Variants in EGR4 observed in about 807,000 individuals in gnomAD.
EGR4 encodes the protein early growth response protein 4.
In EGR4, 22 loss-of-function variants were observed where a neutral mutation model predicts 25.4. That is an observed-to-expected ratio of 0.87 (90% CI 0.62 to 1.24). The LOEUF is 1.24. EGR4 is among the 50% of genes most tolerant of loss of function. EGR4 has a pLI of 0.00. For synonymous variants in EGR4, 375 were observed against 320.1 expected, an observed-to-expected ratio of 1.17 and a Z score of -1.83; for missense variants, 742 against 702.9, an observed-to-expected ratio of 1.06 and a Z score of -0.63.
At chr2:73,293,139 G>A (rs772318013) in intron 1 of EGR4, 43 bp downstream of exon 1, 19 of 1,405,112 alleles carry the variant, frequency 1.4e-5, no homozygotes, top group Non-Finnish European at 1.8e-5. Flanking sequence ...GCGCCCCCGC[G>A]CTGCGCCGTC....
At chr2:73,292,935 C>G (rs1201898178) in intron 1 of EGR4, among the ~76,000 whole-genome samples, 154 bp from the exon 2 acceptor site, 2 of 152,258 alleles carry the variant, frequency 1.3e-5, no homozygotes, top group Non-Finnish European at 2.9e-5. Flanking sequence ...CCAAGGAGCA[C>G]ATAGAAACAT....
Position 73,291,812 on chromosome 2 carries a change from C to T in EGR4, c.1106G>A (p.Arg369His). Residue 369 changes from arginine (R) to histidine (H), a missense_variant, in exon 2 of 2, where the codon CGC (arginine) becomes CAC (histidine). By Grantham distance (29) the Arg-to-His change is conservative. Transcript: ENST00000436467. ...GGCGTGCGGCCGCGGGCAGAAGCAGCGCGTGCTGCATTTGCCGCCGCGGCG... is the reference window on the plus strand; with the variant it reads ...GGCGTGCGGCCGCGGGCAGAAGCAGTGCGTGCTGCATTTGCCGCCGCGGCG... ...KGRRGGKCSTRCFCPRPHAKA... is the reference protein window; with the variant it reads ...KGRRGGKCSTHCFCPRPHAKA... The T allele has an allele frequency of 6.3e-7, 1 of 1,592,646 alleles. No individual in the cohort carries two copies. Among genetic ancestry groups the T allele is most frequent in the Non-Finnish European group, 8.5e-7 (1 of 1,174,522 alleles).
intron 1 of EGR4, 73 bp from the exon 2 acceptor site, chr2:73,292,854 A>ACAC: frequency 7.5e-7 from 1 of 1,327,286 alleles, no homozygotes; most frequent in Non-Finnish European, 9.7e-7. Context: ...TACCTACAAA[A>ACAC]CTCTTGGTGC....
rs2103943269 is a variant in EGR4, at chr2:73,293,366, G to T, written c.-49C>A. 1 of 1,507,758 alleles carries T rather than the reference G, an allele frequency of 6.6e-7. No individual in the cohort carries two copies. The highest frequency in any genetic ancestry group is 2.6e-5 in the East Asian group (1 of 38,380). The allele number at this position is 1,507,758 out of a possible 1,614,324, so 93.4% of individuals were successfully genotyped here. A position where few individuals can be genotyped will look rare whatever the true frequency, so the allele number is the denominator to read the frequency against. On this transcript the variant is annotated 5_prime_UTR_variant, in exon 1 of 2. Coordinates refer to ENST00000436467, the MANE Select transcript of EGR4 (RefSeq NM_001965.4). ...CCCGGGGCCTCGCCCGCTGGGCTTG[G>T]GGGCGCGCGGGTGGCGGGGAGGCTG...
Position 73,291,555 on chromosome 2 carries a change from G to T in EGR4, c.1363C>A (p.Arg455=), listed in dbSNP as rs1385611093. ...TGCTTGAGGTGCACCTTGCTGTGCC[G>T]TTTCTTCTCATCGCTGCGCGCGAAG... ...RRFARSDEKK[R]HSKVHLKQKA... The change falls in exon 2 of 2, where the codon CGG becomes AGG. Residue 455 remains arginine (R), a synonymous_variant. Coordinates refer to ENST00000436467, the MANE Select transcript of EGR4 (RefSeq NM_001965.4). The T allele has an allele frequency of 6.2e-7, 1 of 1,613,506 alleles. No individual in the cohort carries two copies. The highest frequency in any genetic ancestry group is 8.5e-7 in the Non-Finnish European group (1 of 1,179,880).
intron 1 of EGR4, 23 bp downstream of exon 1, chr2:73,293,159 G>A: frequency 6.9e-7 from 1 of 1,451,244 alleles, no homozygotes; most frequent in Non-Finnish European, 9.1e-7. Context: ...CGTCGTCTGA[G>A]CACCCCTGCT....
rs1424529140 is a variant in EGR4 at position 73,292,496 on chromosome 2, G to A, written c.422C>T (p.Pro141Leu). 1 of 1,516,652 alleles carries A rather than the reference G, an allele frequency of 6.6e-7. No homozygotes were observed. Among genetic ancestry groups the A allele is most frequent in the Admixed American group, 2.3e-5 (1 of 43,084 alleles). 93.9% of individuals were successfully genotyped at this position (1,516,652 alleles called of 1,614,324 possible). ...PAGSDALLPG[P>L]PDLYSPDLGA... is the part of the protein sequence containing the mutation. ...CAGATCCGGGGAGTAAAGGTCCGGC[G>A]GACCCGGCAGCAAGGCATCGGACCC... is the stretch of plus-strand genomic sequence containing the variant. Residue 141 changes from proline to leucine, a missense_variant, in exon 2 of 2, where the codon CCG becomes CTG. Transcript: ENST00000436467.
In EGR4 at chr2:73,291,594, C is replaced by G. The variant is rs149141742; in HGVS notation, c.1324G>C (p.Val442Leu). 8 of 1,613,098 alleles carry G rather than the reference C, an allele frequency of 5.0e-6. No homozygotes were observed. Among genetic ancestry groups the G allele is most frequent in the Non-Finnish European group, 5.9e-6 (7 of 1,179,918 alleles). Residue 442 changes from valine (V) to leucine (L), a missense_variant, in exon 2 of 2, where the codon GTG becomes CTG. Coordinates refer to ENST00000436467, the MANE Select transcript of EGR4 (RefSeq NM_001965.4). ...HTGEKPFACD[V>L]CGRRFARSDE... ...CTGCGCGCGAAGCGGCGGCCGCACA[C>G]GTCGCAAGCAAAAGGCTTCTCGCCG...
In EGR4 at chr2:73,291,499, GCCCTTGAGC is replaced by G; in HGVS notation, c.1410_1418del (p.Lys472_Leu474del). Reference sequence around the variant, plus strand: ...AGAGGCCCAGCGAGTAAAAGCCGAGGCCCTTGAGCCGCTCCTCGGCGCGCGCCTTCTGCT... The same window carrying G: ...AGAGGCCCAGCGAGTAAAAGCCGAGGCGCTCCTCGGCGCGCGCCTTCTGCT... On this transcript the variant is annotated inframe_deletion, in exon 2 of 2. Coordinates refer to ENST00000436467, the MANE Select transcript of EGR4 (RefSeq NM_001965.4). The G allele has an allele frequency of 6.2e-7, 1 of 1,610,852 alleles. No individual in the cohort carries two copies. The highest frequency in any genetic ancestry group is 1.7e-5 in the Admixed American group (1 of 59,850).
rs199592421 is a variant in EGR4 at position 73,291,725 on chromosome 2, T to C, written c.1193A>G (p.Asn398Ser). The change falls in exon 2 of 2, where the codon AAT becomes AGT. Residue 398 changes from asparagine to serine, a missense_variant. Physicochemically the swap from Asn to Ser is conservative, Grantham distance 46. Transcript: ENST00000436467. ...GCCCGTGTGGATGCGCAGGTGGCGA[T>C]TGAGCTCGTCGGAGCGCGCAAAGCT... ...VRSFARSDELNRHLRIHTGHK... is the reference protein window; with the variant it reads ...VRSFARSDELSRHLRIHTGHK... 84 of 1,604,450 alleles carry C rather than the reference T, an allele frequency of 5.2e-5. No individual in the cohort carries two copies. The highest frequency in any genetic ancestry group is 3.6e-4 in the African/African-American group (27 of 74,982).
intron 1 of EGR4, 140 bp downstream of exon 1, chr2:73,293,042 G>C (rs1172853439): frequency 1.0e-6 from 1 of 962,682 alleles, no homozygotes; most frequent in African/African-American, 1.7e-5. Flanking sequence ...TGGGAATGGG[G>C]GTGCGCACCC....
rs761369176 is a variant in EGR4, at chr2:73,292,398, C to T, written c.520G>A (p.Glu174Lys). 2.0e-6 allele frequency: 3 copies of T among 1,516,948 alleles called. No individual in the cohort carries two copies. In the South Asian group the frequency reaches 4.0e-5, roughly 20 times the overall value. The allele number at this position is 1,516,948 out of a possible 1,614,324, so 94.0% of individuals were successfully genotyped here. ...CAGAPSQCLY[E>K]PQLSPPDVKP... ...ACGTCGGGCGGGGAGAGCTGAGGCT[C>T]ATACAGGCACTGCGAGGGGGCACCC... Residue 174 changes from glutamate to lysine, a missense_variant, in exon 2 of 2, where the codon GAG becomes AAG. By Grantham distance (56) the Glu-to-Lys change is moderately conservative. Coordinates refer to ENST00000436467, the MANE Select transcript of EGR4 (RefSeq NM_001965.4).
In EGR4 at chr2:73,292,786, G is replaced by C; in HGVS notation, c.137-5C>G. On this transcript the variant is annotated splice_region_variant and splice_polypyrimidine_tract_variant and intron_variant, in intron 1 of 1. Transcript: ENST00000436467. ...CCCAGCTCAAGAAGTCGCCTGCTGA[G>C]GAGGGAGCAGGAATCAGCTCTGGGC... The C allele has an allele frequency of 2.1e-6, 3 of 1,444,300 alleles. No homozygotes were observed. Among genetic ancestry groups the C allele is most frequent in the Non-Finnish European group, 2.7e-6 (3 of 1,096,336 alleles). The allele number at this position is 1,444,300 out of a possible 1,614,324, so 89.5% of individuals were successfully genotyped here. A position where few individuals can be genotyped will look rare whatever the true frequency, so the allele number is the denominator to read the frequency against.
chr2:73,292,791 G>A lies in EGR4; in HGVS notation c.137-10C>T, dbSNP rs377547382. ...CTCAAGAAGTCGCCTGCTGAGGAGG[G>A]AGCAGGAATCAGCTCTGGGCACATC... On this transcript the variant is annotated splice_polypyrimidine_tract_variant and intron_variant, in intron 1 of 1. Transcript: ENST00000436467. 1.6e-4 allele frequency: 226 copies of A among 1,442,346 alleles called. No individual in the cohort carries two copies. The African/African-American group carries it at 3.0e-3, about 19-fold the overall frequency. The allele number at this position is 1,442,346 out of a possible 1,614,324, so 89.3% of individuals were successfully genotyped here. A position where few individuals can be genotyped will look rare whatever the true frequency, so the allele number is the denominator to read the frequency against.
chr2:73,291,865 G>T lies in EGR4; in HGVS notation c.1053C>A (p.Phe351Leu), dbSNP rs1011489459. 1.3e-6 allele frequency: 2 copies of T among 1,580,192 alleles called. No homozygotes were observed. Among genetic ancestry groups the T allele is most frequent in the Admixed American group, 3.6e-5 (2 of 55,928 alleles). ...PPVPPPPPTPFPQAKARRKGR... is the reference protein window; with the variant it reads ...PPVPPPPPTPLPQAKARRKGR... ...CCTTGCGTCGCGCCTTGGCCTGGGG[G>T]AAAGGGGTGGGCGGCGGCGGCGGCA... The change falls in exon 2 of 2, where the codon TTC becomes TTA. Residue 351 changes from phenylalanine to leucine, a missense_variant. By Grantham distance (22) the Phe-to-Leu change is conservative. Transcript: ENST00000436467.
In EGR4 at chr2:73,293,205, G is replaced by T. The variant is rs1312660668; in HGVS notation, c.113C>A (p.Pro38His). 2.8e-5 allele frequency: 43 copies of T among 1,550,502 alleles called. No homozygotes were observed. Among genetic ancestry groups the T allele is most frequent in the Non-Finnish European group, 3.7e-5 (43 of 1,147,970 alleles). ...ACCTCCAGGGTAGCCGGTGGCCGCG[G>T]GAGCGTCCCTGGCAGGCAGCCGGGG... ...ELPRLPARDAPAATGYPGAGD... is the reference protein window; with the variant it reads ...ELPRLPARDAHAATGYPGAGD... Residue 38 changes from proline (P) to histidine (H), a missense_variant, in exon 1 of 2, where the codon CCC (proline) becomes CAC (histidine). Pro to His is a moderately conservative substitution (Grantham distance 77). Transcript: ENST00000436467.
intron 1 of EGR4, 26 bp downstream of exon 1, chr2:73,293,156 T>C (rs1207926366): frequency 7.0e-7 from 1 of 1,437,886 alleles, no homozygotes; most frequent in Non-Finnish European, 9.2e-7. Flanking sequence ...CGTCGTCGTC[T>C]GAGCACCCCT....
At position 73,292,442 on chromosome 2, in the gene EGR4, C is replaced by A; in HGVS notation, c.476G>T (p.Trp159Leu). ...GGCACCCGCGCAAGGCGAGGCCTCC[C>A]AGAACGCCTCTGGGAAAGGGGCAGC... ...LGAAPFPEAF[W>L]EASPCAGAPS... Residue 159 changes from tryptophan (W) to leucine (L), a missense_variant, in exon 2 of 2, where the codon TGG (tryptophan) becomes TTG (leucine). By Grantham distance (61) the Trp-to-Leu change is moderately conservative. Coordinates refer to ENST00000436467, the MANE Select transcript of EGR4 (RefSeq NM_001965.4). The A allele has an allele frequency of 2.0e-6, 3 of 1,498,106 alleles. No individual in the cohort carries two copies. Among genetic ancestry groups the A allele is most frequent in the Non-Finnish European group, 2.7e-6 (3 of 1,125,340 alleles). The allele number at this position is 1,498,106 out of a possible 1,614,324, so 92.8% of individuals were successfully genotyped here.
rs1558599349 is a variant in EGR4 at position 73,291,771 on chromosome 2, G to C, written c.1147C>G (p.Pro383Ala). ...AAGCTCCGCACACAACTCTCCACCG[G>C]GCAAGCGAAGGCCTTGGCGTGCGGC... ...PRPHAKAFAC[P>A]VESCVRSFAR... Residue 383 changes from proline to alanine, a missense_variant, in exon 2 of 2, where the codon CCG (proline) becomes GCG (alanine). Pro to Ala is a conservative substitution (Grantham distance 27, BLOSUM62 -1). Coordinates refer to ENST00000436467, the MANE Select transcript of EGR4 (RefSeq NM_001965.4). The C allele has an allele frequency of 6.2e-7, 1 of 1,600,588 alleles. No individual in the cohort carries two copies. The highest frequency in any genetic ancestry group is 8.5e-7 in the Non-Finnish European group (1 of 1,179,078).
Sources: allele counts gnomAD v4.1 joint callset (sites outside exome capture counted in the v4.1 genomes callset), GRCh38; gene constraint gnomAD v4.1.1; transcripts MANE v1.5; gene names NCBI Gene and HGNC (gene_info 2026-07-23, HGNC 2026-07-21).